Variants in GPLD1 observed in about 807,000 individuals in gnomAD.
GPLD1 encodes phosphatidylinositol-glycan-specific phospholipase D.
A neutral mutation model predicts 112.6 loss-of-function variants in GPLD1; 84 were observed. The observed-to-expected ratio is 0.75, with a 90% CI of 0.63 to 0.89. GPLD1 has a LOEUF of 0.89. GPLD1 is among the 40% of genes least tolerant of loss of function. The pLI is 0.00. For synonymous variants in GPLD1, 386 were observed against 403.8 expected, an observed-to-expected ratio of 0.96 and a Z score of 0.53; for missense variants, 1,044 against 1,051.5, an observed-to-expected ratio of 0.99 and a Z score of 0.10.
At chr6:24,436,469 A>C in intron 22 of GPLD1, 107 bp downstream of exon 22, 2 of 906,108 alleles carry the variant, frequency 2.2e-6, no homozygotes, top group Non-Finnish European at 3.5e-6. Context: ...TCCTGACCCT[A>C]GGAGGTATGA....
At chr6:24,450,815 T>TA (rs2127337493) in intron 14 of GPLD1, among the ~76,000 whole-genome samples, 1 of 151,986 alleles carries the variant, frequency 6.6e-6, no homozygotes, top group South Asian at 2.1e-4. Flanking sequence ...CTACTAAAAA[T>TA]ACAAAAATTA....
At chr6:24,434,996 A>T (rs1199328120) in intron 22 of GPLD1, among the ~76,000 whole-genome samples, 1 of 149,658 alleles carries the variant, frequency 6.7e-6, no homozygotes, top group African/African-American at 2.5e-5. Context: ...TTAATCTGTA[A>T]ATGGGCATAA....
chr6:24,492,737 G>A (rs1199037323), upstream of GPLD1, among the ~76,000 whole-genome samples: 1 of 152,020 alleles, frequency 6.6e-6, no homozygotes, highest in African/African-American at 2.4e-5. Context: ...TAAGACAGGA[G>A]CCAGGAGGAA....
chr6:24,444,011 C>T (rs555064399), intron 20 of GPLD1, among the ~76,000 whole-genome samples: 2 of 152,256 alleles, frequency 1.3e-5, no homozygotes, highest in Admixed American at 1.3e-4. Context: ...AAATCTTTCC[C>T]ATATTGCAAG....
chr6:24,456,526 A>T lies in GPLD1; in HGVS notation c.1120T>A (p.Leu374Met), dbSNP rs896800788. The T allele has an allele frequency of 2.5e-6, 4 of 1,610,380 alleles. No individual in the cohort carries two copies. The highest frequency in any genetic ancestry group is 3.4e-6 in the Non-Finnish European group (4 of 1,177,520). Reference protein sequence around the residue: ...HVSSPLASYFLSFPYARLGWA... With the variant: ...HVSSPLASYFMSFPYARLGWA... ...CCAAGCCTCGCATAAGGAAATGACA[A>T]GAAGTAAGATGCTAAGGGGCTGGAG... The change falls in exon 13 of 25, where the codon TTG (leucine) becomes ATG (methionine). Residue 374 changes from leucine to methionine, a missense_variant. Leu to Met is a conservative substitution (Grantham distance 15). Transcript: ENST00000230036.
In GPLD1 at chr6:24,456,488, T is replaced by G; in HGVS notation, c.1148+10A>C. On this transcript the variant is annotated intron_variant, in intron 13 of 24. Transcript: ENST00000230036. ...GAAAACATTCACAAGTTAGATAAAC[T>G]TATACGTACCAGCCAAGCCTCGCAT... The G allele has an allele frequency of 6.4e-7, 1 of 1,570,420 alleles. No individual in the cohort carries two copies. Among genetic ancestry groups the G allele is most frequent in the Non-Finnish European group, 8.7e-7 (1 of 1,151,448 alleles).
chr6:24,474,128 A>G (rs530276290), intron 5 of GPLD1, among the ~76,000 whole-genome samples: 20 of 148,966 alleles, frequency 1.3e-4, no homozygotes, highest in Non-Finnish European at 2.5e-4. Context: ...CTCCATCTCA[A>G]AAACAAACAA....
chr6:24,430,471 T>G (rs369527218), intron 24 of GPLD1, among the ~76,000 whole-genome samples: 5 of 152,208 alleles, frequency 3.3e-5, no homozygotes, highest in African/African-American at 1.2e-4. Context: ...CTCAGGTTTC[T>G]TTGTCTATCT....
chr6:24,429,154 C>G, intron 24 of GPLD1, 36 bp from the exon 25 acceptor site: 2 of 1,343,530 alleles, frequency 1.5e-6, no homozygotes, highest in Non-Finnish European at 2.1e-6. Flanking sequence ...ATGGCTCATT[C>G]ATAACATCTA....
At position 24,475,181 on chromosome 6, in the gene GPLD1, C is replaced by G; in HGVS notation, c.381G>C (p.Ala127=). 2 of 1,613,198 alleles carry G rather than the reference C, an allele frequency of 1.2e-6. No homozygotes were observed. Among genetic ancestry groups the G allele is most frequent in the Non-Finnish European group, 1.7e-6 (2 of 1,179,212 alleles). The change falls in exon 5 of 25, where the codon GCG becomes GCC. Residue 127 remains alanine (A), a synonymous_variant. Transcript: ENST00000230036. Reference sequence around the variant, plus strand: ...CCAGACTATGCCAGCTGACATCTGCCGCCATGTGAGAAGTAATTCCAAACA... The same window carrying G: ...CCAGACTATGCCAGCTGACATCTGCGGCCATGTGAGAAGTAATTCCAAACA... ...AFLFGITSHM[A]ADVSWHSLGL...
intron 7 of GPLD1, among the ~76,000 whole-genome samples, chr6:24,469,975 G>A (rs1449568517): frequency 6.6e-6 from 1 of 152,040 alleles, no homozygotes; most frequent in Admixed American, 6.6e-5. Context: ...TTTTTTAAAT[G>A]AATCACCAAG....
intron 22 of GPLD1, among the ~76,000 whole-genome samples, chr6:24,434,473 A>G (rs1762506177): frequency 6.6e-6 from 1 of 152,112 alleles, no homozygotes; most frequent in Admixed American, 6.5e-5. Flanking sequence ...ATGCACGCAC[A>G]TAGTGTAATA....
chr6:24,436,985 T>A (rs1331216721), intron 21 of GPLD1, 128 bp downstream of exon 21: 19 of 841,612 alleles, frequency 2.3e-5, no homozygotes, highest in Non-Finnish European at 3.4e-5. Flanking sequence ...TCATTCAAGA[T>A]CTGTCTAAAG....
In GPLD1 at chr6:24,456,576, C is replaced by T. The variant is rs1441484589; in HGVS notation, c.1070G>A (p.Gly357Asp). ...ERNIRTMFIG[G>D]SQLSQKHVSS... ...GACGTGCTTTTGTGACAACTGAGAG[C>T]CACCTATGAACATTGTCCTTATGTT... Residue 357 changes from glycine to aspartate, a missense_variant, in exon 13 of 25, where the codon GGC becomes GAC. Gly to Asp is a moderately conservative substitution (Grantham distance 94). Coordinates refer to ENST00000230036, the MANE Select transcript of GPLD1 (RefSeq NM_001503.4). The T allele has an allele frequency of 1.2e-6, 2 of 1,601,772 alleles. No homozygotes were observed. The highest frequency in any genetic ancestry group is 1.7e-4 in the Middle Eastern group (1 of 6,044).
At chr6:24,438,432 T>C (rs1261208086) in intron 20 of GPLD1, among the ~76,000 whole-genome samples, 1 of 152,186 alleles carries the variant, frequency 6.6e-6, no homozygotes, top group African/African-American at 2.4e-5. Context: ...AAAGTGTCAG[T>C]GCGTGGATAC....
intron 12 of GPLD1, 80 bp from the exon 13 acceptor site, chr6:24,456,717 G>A (rs567043017): frequency 3.2e-6 from 3 of 927,700 alleles, no homozygotes; most frequent in Non-Finnish European, 4.9e-6. Context: ...CAAAGTATTG[G>A]ACTTGTGTAA....
intron 2 of GPLD1, among the ~76,000 whole-genome samples, chr6:24,484,543 G>C (rs944884731): frequency 3.3e-5 from 5 of 152,294 alleles, no homozygotes; most frequent in Non-Finnish European, 5.9e-5. Context: ...TTAGTATTTG[G>C]ATTAGAATGC....
At chr6:24,489,677 A>G, upstream of GPLD1, 2 of 1,154,970 alleles carry the variant, frequency 1.7e-6, no homozygotes, top group Non-Finnish European at 1.2e-6. Flanking sequence ...AATGAAGTCA[A>G]CTGTCCAACT....
rs771399957 is a variant in GPLD1, at chr6:24,437,147, A to G, written c.2163T>C (p.Val721=). The part of the protein sequence containing the change: ...GDRRFSRFGG[V]LHLSDLDDDG... ...CATCATCCAGGTCACTCAAGTGCAG[A>G]ACGCCACCAAATCGGGAGAAGCGGC... Residue 721 remains valine (V), a synonymous_variant, in exon 21 of 25, where the codon GTT becomes GTC. Coordinates refer to ENST00000230036, the MANE Select transcript of GPLD1 (RefSeq NM_001503.4). 5 of 1,614,238 alleles carry G rather than the reference A, an allele frequency of 3.1e-6. No homozygotes were observed. Among genetic ancestry groups the G allele is most frequent in the Non-Finnish European group, 4.2e-6 (5 of 1,180,028 alleles).
Sources: gnomAD v4.1 joint callset for allele counts (sites outside exome capture counted in the v4.1 genomes callset) on GRCh38, gnomAD v4.1.1 for gene constraint, MANE v1.5 for transcripts, NCBI Gene and HGNC (gene_info 2026-07-23, HGNC 2026-07-21) for gene names.